Variants in NRG1 observed in about 807,000 individuals in gnomAD.
The protein encoded by NRG1 is pro-neuregulin-1, membrane-bound isoform.
A neutral mutation model predicts 63.8 loss-of-function variants in NRG1; 18 were observed. The observed-to-expected ratio is 0.28, with a 90% CI of 0.19 to 0.42. NRG1 has a LOEUF of 0.42. Among genes scored for constraint, NRG1 ranks in the 10% least tolerant of loss-of-function variants. The pLI is 1.00. For synonymous variants in NRG1, 302 were observed against 301.3 expected, an observed-to-expected ratio of 1.00 and a Z score of -0.02; for missense variants, 762 against 814.7, an observed-to-expected ratio of 0.94 and a Z score of 0.79.
At chr8:32,333,758 C>T (rs1802924491) in intron 1 of NRG1, among the ~76,000 whole-genome samples, 1 of 152,106 alleles carries the variant, frequency 6.6e-6, no homozygotes, top group South Asian at 2.1e-4. Flanking sequence ...TTACAGATAC[C>T]TTGTGCTTTG....
chr8:31,769,364 T>A (rs1324172153), intron 1 of NRG1, among the ~76,000 whole-genome samples: 1 of 152,190 alleles, frequency 6.6e-6, no homozygotes, highest in East Asian at 1.9e-4. Context: ...ATATTCTGTG[T>A]TGACCCAAGT....
At chr8:32,648,286 C>A (rs1043676290) in intron 5 of NRG1, 15 of 1,613,990 alleles carry the variant, frequency 9.3e-6, no homozygotes, top group Non-Finnish European at 1.2e-5. Context: ...ACTGCGCCAT[C>A]CTTCCCTTCA....
chr8:32,309,135 G>A (rs1383557650), intron 1 of NRG1, among the ~76,000 whole-genome samples: 1 of 152,160 alleles, frequency 6.6e-6, no homozygotes, highest in Non-Finnish European at 1.5e-5. Context: ...TTCAGAAAAG[G>A]AAGTCTGACC....
At chr8:32,639,609 A>G (rs1851951712) in intron 5 of NRG1, among the ~76,000 whole-genome samples, 1 of 152,188 alleles carries the variant, frequency 6.6e-6, no homozygotes. Flanking sequence ...TCACATGTGT[A>G]TAATCTCATG....
At chr8:32,562,877 TG>T (rs1836715447) in intron 1 of NRG1, among the ~76,000 whole-genome samples, 1 of 152,208 alleles carries the variant, frequency 6.6e-6, no homozygotes, top group Non-Finnish European at 1.5e-5. Flanking sequence ...TTTATTTCCT[TG>T]TCTAATAATT....
At chr8:32,161,212 C>A (rs959839440) in intron 1 of NRG1, among the ~76,000 whole-genome samples, 1 of 151,898 alleles carries the variant, frequency 6.6e-6, no homozygotes, top group Non-Finnish European at 1.5e-5. Context: ...AATCAATTAG[C>A]TGACATGACT....
At chr8:31,927,631 G>A (rs1292291220) in intron 1 of NRG1, among the ~76,000 whole-genome samples, 1 of 148,792 alleles carries the variant, frequency 6.7e-6, no homozygotes, top group Non-Finnish European at 1.5e-5. Flanking sequence ...TGTATTTTTA[G>A]TAGAGACGGG....
intron 1 of NRG1, among the ~76,000 whole-genome samples, chr8:31,896,139 A>G (rs1160116974): frequency 6.6e-6 from 1 of 152,170 alleles, no homozygotes; most frequent in East Asian, 1.9e-4. Context: ...GCATTTGCTC[A>G]CTAGACCAGA....
At chr8:32,145,487 T>A (rs141003953) in intron 1 of NRG1, among the ~76,000 whole-genome samples, 1 of 152,318 alleles carries the variant, frequency 6.6e-6, no homozygotes, top group East Asian at 1.9e-4. Context: ...CATATGCCCT[T>A]TTCTGTGATG....
intron 1 of NRG1, among the ~76,000 whole-genome samples, chr8:32,301,983 T>A (rs1212001634): frequency 1.3e-5 from 2 of 152,136 alleles, no homozygotes; most frequent in Non-Finnish European, 2.9e-5. Flanking sequence ...GGGGAGTGAA[T>A]GTACCTGCAT....
At chr8:32,634,337 A>G (rs1190374108) in intron 5 of NRG1, among the ~76,000 whole-genome samples, 1 of 152,148 alleles carries the variant, frequency 6.6e-6, no homozygotes, top group Non-Finnish European at 1.5e-5. Context: ...AAAGAGAGAA[A>G]TCACATTTTT....
chr8:32,509,982 A>AT (rs577909446), intron 1 of NRG1, among the ~76,000 whole-genome samples: 128 of 151,696 alleles, frequency 8.4e-4, no homozygotes, highest in Middle Eastern at 3.4e-3. Flanking sequence ...AGTTTTTGGA[A>AT]TTTTTTTTGC....
chr8:31,813,516 CTTT>C (rs377718067), intron 1 of NRG1, among the ~76,000 whole-genome samples: 10 of 101,206 alleles, frequency 9.9e-5, no homozygotes, highest in Non-Finnish European at 1.4e-4. Context: ...CTTTTCTTTT[CTTT>C]TTTTTTTTTT....
chr8:31,835,842 C>G (rs529173023), intron 1 of NRG1, among the ~76,000 whole-genome samples: 1 of 152,102 alleles, frequency 6.6e-6, no homozygotes, highest in South Asian at 2.1e-4. Context: ...TTCAGTAGAA[C>G]TTTTTGGGAT....
intron 1 of NRG1, among the ~76,000 whole-genome samples, chr8:32,461,693 CA>C (rs1008164695): frequency 6.6e-6 from 1 of 151,040 alleles, no homozygotes. Context: ...ACTCTGTCTC[CA>C]AAAAAAAGAA....
intron 1 of NRG1, among the ~76,000 whole-genome samples, chr8:32,319,199 TA>T (rs1801097818): frequency 6.6e-6 from 1 of 152,284 alleles, no homozygotes; most frequent in Non-Finnish European, 1.5e-5. Flanking sequence ...CTAGTACATT[TA>T]AATGGAAAGA....
At chr8:32,251,594 A>G (rs1359803975) in intron 1 of NRG1, among the ~76,000 whole-genome samples, 3 of 152,160 alleles carry the variant, frequency 2.0e-5, no homozygotes, top group Non-Finnish European at 4.4e-5. Context: ...TGCTGGGTCA[A>G]ATGGTATTTC....
chr8:32,710,571 G>A (rs1817560669), intron 5 of NRG1, among the ~76,000 whole-genome samples: 1 of 152,052 alleles, frequency 6.6e-6, no homozygotes, highest in African/African-American at 2.4e-5. Context: ...AAAGTAAAGT[G>A]TGTATTTTTT....
At chr8:31,817,603 G>A (rs1396301214) in intron 1 of NRG1, among the ~76,000 whole-genome samples, 3 of 152,098 alleles carry the variant, frequency 2.0e-5, no homozygotes. Flanking sequence ...TCAATCTGTG[G>A]TATAGTAGAG....
Sources: allele counts gnomAD v4.1 joint callset (sites outside exome capture counted in the v4.1 genomes callset), GRCh38; gene constraint gnomAD v4.1.1; transcripts MANE v1.5; gene names NCBI Gene and HGNC (gene_info 2026-07-23, HGNC 2026-07-21).